CD177: variants seen among roughly 807,000 people sequenced by gnomAD.
The protein encoded by CD177 is CD177 molecule, also known as CD177 antigen.
In CD177, 41 loss-of-function variants were observed where a neutral mutation model predicts 38.1. The ratio of observed to expected loss-of-function variants is 1.07; its 90% confidence interval spans 0.84 to 1.39. The LOEUF (loss-of-function observed/expected upper bound fraction) is 1.39, where lower values mean the gene tolerates loss of function less well. Among genes scored for constraint, CD177 ranks in the 40% most tolerant of loss-of-function variants. The pLI, the probability that CD177 is intolerant of heterozygous loss-of-function variation, is 0.00. For synonymous variants in CD177, 236 were observed against 216.7 expected (o/e 1.09, Z -0.78); for missense variants, 619 against 523.8 (o/e 1.18, Z -1.77).
At chr19:43,362,049 G>T in intron 8 of CD177, 39 bp from the exon 9 acceptor site, 1 of 1,576,194 alleles carries the variant, frequency 6.3e-7, no homozygotes, top group Non-Finnish European at 8.7e-7. Context: ...TGGCTGGGCT[G>T]TACTCTGTGT....
chr19:43,355,216 C>T (rs575706202), intron 3 of CD177, among the ~76,000 whole-genome samples: 5 of 145,900 alleles, frequency 3.4e-5, no homozygotes, highest in Non-Finnish European at 7.4e-5. Flanking sequence ...CGGGTTCAAG[C>T]GATTCTCCTG....
At chr19:43,363,933 A>G (rs1303695266), downstream of CD177, among the ~76,000 whole-genome samples, 10 of 152,132 alleles carry the variant, frequency 6.6e-5, no homozygotes, top group Admixed American at 2.0e-4. Context: ...ACAAAAAAAT[A>G]CAAAAAATAA....
downstream of CD177, among the ~76,000 whole-genome samples, chr19:43,363,897 G>A (rs1403006278): frequency 6.6e-6 from 1 of 152,088 alleles, no homozygotes; most frequent in Non-Finnish European, 1.5e-5. Context: ...AGACCAGCCT[G>A]GGCAACATAG....
At chr19:43,363,671 C>G (rs544920903), downstream of CD177, among the ~76,000 whole-genome samples, 241 of 148,160 alleles carry the variant, frequency 1.6e-3, 1 homozygote, top group South Asian at 0.014. Context: ...ATTCACACTA[C>G]AGAACAGAGG....
chr19:43,353,841 T>C lies in CD177; in HGVS notation c.53-12T>C. ...GAACCCTGCTGAGATGGATTTGCTC[T>C]TGCCACTCCAGGAGTGCAGGCGCTG... On this transcript the variant is annotated splice_polypyrimidine_tract_variant and intron_variant, in intron 1 of 8. Transcript: ENST00000618265. The C allele has an allele frequency of 5.6e-6, 9 of 1,613,844 alleles. No individual in the cohort carries two copies. Among genetic ancestry groups the C allele is most frequent in the Non-Finnish European group, 7.6e-6 (9 of 1,179,818 alleles).
At chr19:43,362,025 C>T in intron 8 of CD177, 63 bp from the exon 9 acceptor site, 1 of 1,453,402 alleles carries the variant, frequency 6.9e-7, no homozygotes, top group African/African-American at 1.4e-5. Context: ...GCCTGGACTC[C>T]TGGGTTTACA....
chr19:43,365,264 G>A (rs1297208346), downstream of CD177, among the ~76,000 whole-genome samples: 2 of 143,058 alleles, frequency 1.4e-5, no homozygotes, highest in Admixed American at 7.1e-5. Context: ...ACTGGGCAGG[G>A]CTGGATACAG....
rs1008012887 is a variant in CD177, at chr19:43,362,610, A to C, written c.*290A>C. 3.5e-6 allele frequency: 1 copy of C among 282,150 alleles called. No individual in the cohort carries two copies. The highest frequency in any genetic ancestry group is 5.1e-5 in the Admixed American group (1 of 19,550). 17.5% of individuals were successfully genotyped at this position (282,150 alleles called of 1,614,324 possible). On this transcript the variant is annotated 3_prime_UTR_variant, in exon 9 of 9. Transcript: ENST00000618265. ...CTGGGATTTCTCCATGTGAGGGGGC[A>C]GCAGGACACCCAGGGATCTAGCGTG...
chr19:43,366,081 CT>C (rs1306938990), downstream of CD177, among the ~76,000 whole-genome samples: 1 of 152,134 alleles, frequency 6.6e-6, no homozygotes, highest in Admixed American at 6.6e-5. Flanking sequence ...CACTGTTAAT[CT>C]TTTGGAGCTT....
intron 3 of CD177, 130 bp from the exon 4 acceptor site, chr19:43,355,531 T>C (rs773029320): frequency 6.0e-6 from 6 of 1,005,728 alleles, no homozygotes; most frequent in Non-Finnish European, 9.4e-6. Context: ...TGATGGGAGC[T>C]GCAGAAGGCC....
chr19:43,354,572 C>A (rs1281172236), intron 3 of CD177, 180 bp downstream of exon 3: 2 of 658,696 alleles, frequency 3.0e-6, no homozygotes, highest in African/African-American at 1.8e-5. Flanking sequence ...CATCCCTCCC[C>A]ACTCACTCCC....
chr19:43,361,841 CG>C (rs1969972612), intron 8 of CD177, among the ~76,000 whole-genome samples: 1 of 143,788 alleles, frequency 7.0e-6, no homozygotes, highest in Non-Finnish European at 1.5e-5. Context: ...GGCTGGGGGC[CG>C]GGGCTCCTGG....
Position 43,360,347 on chromosome 19 carries a change from T to C in CD177, c.702T>C (p.Asn234=), listed in dbSNP as rs1969944877. Residue 234 remains asparagine, a synonymous_variant, in exon 6 of 9, where the codon AAT becomes AAC. Transcript: ENST00000618265. ...AQEPTDWTTS[N]TEMCEVGQVC... The stretch of plus-strand genomic sequence containing the variant: ...AACCCACTGATTGGACCACATCGAA[T>C]ACCGAGATGTGCGAGGTGGGGCAGG... 6.2e-7 allele frequency: 1 copy of C among 1,611,754 alleles called. No individual in the cohort carries two copies. The highest frequency in any genetic ancestry group is 8.5e-7 in the Non-Finnish European group (1 of 1,179,010).
chr19:43,355,801 G>A lies in CD177; in HGVS notation c.502+18G>A. The A allele has an allele frequency of 6.2e-7, 1 of 1,612,818 alleles. No individual in the cohort carries two copies. The highest frequency in any genetic ancestry group is 2.2e-5 in the East Asian group (1 of 44,862). ...CAGGGGAGGTAAGCCTGGGACATCG[G>A]GGTCCCTGTGGGGACTGAACTGGAA... On this transcript the variant is annotated intron_variant, in intron 4 of 8. Transcript: ENST00000618265.
downstream of CD177, among the ~76,000 whole-genome samples, chr19:43,363,442 A>G (rs1426613175): frequency 1.3e-5 from 2 of 152,206 alleles, no homozygotes; most frequent in East Asian, 3.8e-4. Context: ...AGCCGGAGAC[A>G]GAAAGAGAGA....
intron 5 of CD177, 36 bp from the exon 6 acceptor site, chr19:43,360,229 C>G: frequency 2.5e-6 from 4 of 1,607,176 alleles, no homozygotes; most frequent in Non-Finnish European, 3.4e-6. Flanking sequence ...ATGGTGGGTT[C>G]CTGGCTTACA....
rs900652783 is a variant in CD177, at chr19:43,361,988, C to T, written c.1082-100C>T. ...GGAGCTGGAGCTGGGGGTCTGGGCT[C>T]CTCGGTCTGAGGGAGGAGGGTCTGG... On this transcript the variant is annotated intron_variant, in intron 8 of 8. Transcript: ENST00000618265. 6 of 994,636 alleles carry T rather than the reference C, an allele frequency of 6.0e-6. No individual in the cohort carries two copies. The Admixed American group carries it at 9.0e-5, about 15-fold the overall frequency. The allele number at this position is 994,636 out of a possible 1,614,324, so 61.6% of individuals were successfully genotyped here.
At chr19:43,361,799 G>A (rs1568445425) in intron 8 of CD177, among the ~76,000 whole-genome samples, 1 of 148,564 alleles carries the variant, frequency 6.7e-6, no homozygotes, top group Non-Finnish European at 1.5e-5. Flanking sequence ...AGGAGGGGCT[G>A]GGTGCCTGGA....
downstream of CD177, among the ~76,000 whole-genome samples, chr19:43,365,237 C>G (rs528728276): frequency 4.2e-4 from 60 of 141,798 alleles, no homozygotes; most frequent in East Asian, 0.013. Context: ...AGGGGCTTAG[C>G]CCCGGGCTCT....
Sources: allele counts gnomAD v4.1 joint callset (sites outside exome capture counted in the v4.1 genomes callset), GRCh38; gene constraint gnomAD v4.1.1; transcripts MANE v1.5; gene names NCBI Gene and HGNC (gene_info 2026-07-23, HGNC 2026-07-21).